ELMOD3: variants seen among roughly 807,000 people sequenced by gnomAD.
The protein encoded by ELMOD3 is ELMO domain-containing protein 3.
Under a neutral mutation model 47.4 loss-of-function variants are expected in ELMOD3, and 36 were observed. The observed-to-expected ratio is 0.76, with a 90% CI of 0.58 to 1.00. The LOEUF (loss-of-function observed/expected upper bound fraction) is 1.00. ELMOD3 is among the 50% of genes least tolerant of loss of function. The probability of loss-of-function intolerance (pLI) is 0.00; values close to 1 mark genes in which losing one functional copy is unlikely to be tolerated. For missense variants in ELMOD3, 404 were observed against 463.8 expected (o/e 0.87, Z 1.18); for synonymous variants, 149 against 183.5 (o/e 0.81, Z 1.52).
chr2:85,371,858 A>G, intron 10 of ELMOD3: 1 of 292,690 alleles, frequency 3.4e-6, no homozygotes, highest in East Asian at 9.1e-5. Context: ...ACATGATGAA[A>G]TCCCATCTCT....
In ELMOD3 at chr2:85,368,769, G is replaced by A. The variant is rs757916482; in HGVS notation, c.268+15G>A. 1.9e-6 allele frequency: 3 copies of A among 1,613,874 alleles called. No homozygotes were observed. The African/African-American group carries it at 4.0e-5, about 22-fold the overall frequency. On this transcript the variant is annotated intron_variant, in intron 7 of 13. Transcript: ENST00000409013. ...GCCAGAGACAGGTAACTGTACGAAT[G>A]CTGCTGTCTCCCCATAGCCCCTCTG...
Position 85,368,718 on chromosome 2 carries a change from G to T in ELMOD3, c.232G>T (p.Glu78Ter). The T allele has an allele frequency of 1.9e-6, 3 of 1,614,134 alleles. No homozygotes were observed. Among genetic ancestry groups the T allele is most frequent in the Non-Finnish European group, 2.5e-6 (3 of 1,180,014 alleles). Reference protein sequence around the residue: ...VSTEVVRAQEEWEAVDTIQPE... With the variant: ...VSTEVVRAQE ...TACAGAGGTGGTCAGAGCCCAAGAA[G>T]AATGGGAAGCTGTGGACACCATCCA... The change falls in exon 7 of 14, where the codon GAA becomes TAA. Residue 78 changes from glutamate (E) to a stop codon, truncating the protein, a stop_gained. Transcript: ENST00000409013. LOFTEE classifies it high-confidence loss of function.
intron 7 of ELMOD3, 128 bp downstream of exon 7, chr2:85,368,882 T>A: frequency 1.1e-6 from 1 of 905,642 alleles, no homozygotes; most frequent in Non-Finnish European, 1.8e-6. Flanking sequence ...TCATTTTAAC[T>A]ATATAACATA....
chr2:85,371,361 G>A lies in ELMOD3; in HGVS notation c.485-79G>A, dbSNP rs539320797. The A allele has an allele frequency of 1.0e-4, 165 of 1,602,050 alleles. 1 individual carries two copies. The East Asian group carries it at 3.7e-3, about 36-fold the overall frequency. On this transcript the variant is annotated intron_variant, in intron 9 of 13. Transcript: ENST00000409013. ...TGAGAACTGGATGTCTCACAGTCCA[G>A]ATCTCACATTCTCTGAGAAGCACCC... is the stretch of plus-strand genomic sequence containing the variant.
chr2:85,379,676 A>G (rs1257669567), intron 11 of ELMOD3, among the ~76,000 whole-genome samples: 2 of 152,226 alleles, frequency 1.3e-5, no homozygotes, highest in Non-Finnish European at 1.5e-5. Context: ...ACTAAAGACA[A>G]ATCATGGTAG....
At chr2:85,379,769 A>T (rs978297256) in intron 11 of ELMOD3, among the ~76,000 whole-genome samples, 1 of 152,152 alleles carries the variant, frequency 6.6e-6, no homozygotes, top group South Asian at 2.1e-4. Context: ...GGCTTTTTTT[A>T]AAAATTGGCT....
chr2:85,368,049 T>A (rs866104495), intron 6 of ELMOD3, among the ~76,000 whole-genome samples: 19 of 152,280 alleles, frequency 1.2e-4, no homozygotes, highest in Middle Eastern at 6.8e-3. Context: ...TAGCTGGGAC[T>A]ACAGGCGCCT....
chr2:85,374,928 G>C (rs959324406), intron 10 of ELMOD3, among the ~76,000 whole-genome samples: 2 of 152,054 alleles, frequency 1.3e-5, no homozygotes, highest in African/African-American at 4.8e-5. Context: ...GGCCAATATG[G>C]TGAAACCCCA....
intron 6 of ELMOD3, 142 bp from the exon 7 acceptor site, chr2:85,368,544 C>T: frequency 5.9e-6 from 4 of 679,228 alleles, no homozygotes; most frequent in East Asian, 2.7e-5. Context: ...ATAGCCACTG[C>T]ACTCCAGCCT....
At chr2:85,361,781 A>G (rs1683978553) in intron 4 of ELMOD3, among the ~76,000 whole-genome samples, 1 of 152,050 alleles carries the variant, frequency 6.6e-6, no homozygotes, top group Non-Finnish European at 1.5e-5. Flanking sequence ...TACAAAAAAA[A>G]TTAGTCGGGC....
At chr2:85,375,992 GA>G (rs1260441627) in intron 10 of ELMOD3, among the ~76,000 whole-genome samples, 1 of 151,064 alleles carries the variant, frequency 6.6e-6, no homozygotes, top group Admixed American at 6.6e-5. Context: ...GGCCCACCCA[GA>G]CAGTCCAGGA....
At chr2:85,390,582 G>T (rs1686280042) in intron 13 of ELMOD3, 178 bp from the exon 14 acceptor site, 2 of 1,540,422 alleles carry the variant, frequency 1.3e-6, no homozygotes, top group East Asian at 2.3e-5. Context: ...GGTCCCTGTG[G>T]CTGTAGCTGG....
intron 10 of ELMOD3, among the ~76,000 whole-genome samples, chr2:85,374,346 A>T (rs1008914518): frequency 6.0e-5 from 9 of 150,440 alleles, no homozygotes; most frequent in Non-Finnish European, 7.4e-5. Context: ...ACAAAAAATA[A>T]TTTTTTTTTT....
At chr2:85,361,942 A>G (rs961004665) in intron 4 of ELMOD3, among the ~76,000 whole-genome samples, 1 of 151,794 alleles carries the variant, frequency 6.6e-6, no homozygotes, top group African/African-American at 2.4e-5. Flanking sequence ...AAAAAAAAAA[A>G]GAAAAAGTGG....
rs1424211958 is a variant in ELMOD3, at chr2:85,371,217, C to T, written c.484+8C>T. On this transcript the variant is annotated splice_region_variant and intron_variant, in intron 9 of 13. Transcript: ENST00000409013. ...TCCTGACCATTGCTCAGTGTGAGTG[C>T]AATGCGAGCCCACAGGGCAGTTGCT... 1.2e-6 allele frequency: 2 copies of T among 1,614,222 alleles called. No homozygotes were observed. The highest frequency in any genetic ancestry group is 1.7e-6 in the Non-Finnish European group (2 of 1,180,040).
At chr2:85,390,624 A>G in intron 13 of ELMOD3, 136 bp from the exon 14 acceptor site, 3 of 1,504,344 alleles carry the variant, frequency 2.0e-6, no homozygotes, top group Non-Finnish European at 2.7e-6. Context: ...TGATCTCTCC[A>G]TCTGAGGCTC....
intron 11 of ELMOD3, chr2:85,386,951 G>A (rs576146361): frequency 2.8e-4 from 280 of 983,996 alleles, no homozygotes; most frequent in Middle Eastern, 4.1e-4. Context: ...TGTGGGAGCC[G>A]AGATCGTGCC....
intron 6 of ELMOD3, among the ~76,000 whole-genome samples, chr2:85,364,825 A>ATATAT (rs375582916): frequency 6.3e-4 from 44 of 69,892 alleles, no homozygotes; most frequent in African/African-American, 2.4e-3. Flanking sequence ...ATATATATAT[A>ATATAT]TTTTTTTTTT....
chr2:85,390,142 T>C lies in ELMOD3; in HGVS notation c.820T>C (p.Cys274Arg), dbSNP rs1246636701. The change falls in exon 13 of 14, where the codon TGT (cysteine) becomes CGT (arginine). Residue 274 changes from cysteine to arginine, a missense_variant. Cys to Arg is a radical substitution (Grantham distance 180). Transcript: ENST00000409013. ...ALREECLSRE[C>R]NRQQKVIPVV... ...CACCTTGCCTTTTTCCTGCAGAGAGTGTAATCGGCAGCAGAAGGTCATCCC... is the reference window on the plus strand; with the variant it reads ...CACCTTGCCTTTTTCCTGCAGAGAGCGTAATCGGCAGCAGAAGGTCATCCC... 1.2e-6 allele frequency: 2 copies of C among 1,613,752 alleles called. No homozygotes were observed. Among genetic ancestry groups the C allele is most frequent in the Non-Finnish European group, 8.5e-7 (1 of 1,179,752 alleles).
Sources: gnomAD v4.1 joint callset for allele counts (sites outside exome capture counted in the v4.1 genomes callset) on GRCh38, gnomAD v4.1.1 for gene constraint, MANE v1.5 for transcripts, NCBI Gene and HGNC (gene_info 2026-07-23, HGNC 2026-07-21) for gene names.